Variants in PDE1C observed in about 807,000 individuals in gnomAD.
PDE1C encodes the protein phosphodiesterase 1C.
In PDE1C, 62 loss-of-function variants were observed where a neutral mutation model predicts 93.1. That is an observed-to-expected ratio of 0.67 (90% CI 0.54 to 0.82). The LOEUF (loss-of-function observed/expected upper bound fraction) is 0.82. Ranked by LOEUF, PDE1C falls within the 40% of genes least tolerant of loss-of-function variation. The pLI is 0.00. For missense variants in PDE1C, 742 were observed against 884.6 expected (o/e 0.84, Z 2.04); for synonymous variants, 325 against 310.1 (o/e 1.05, Z -0.50).
At chr7:32,195,013 T>C (rs1804517719) in intron 2 of PDE1C, among the ~76,000 whole-genome samples, 1 of 152,202 alleles carries the variant, frequency 6.6e-6, no homozygotes, top group Non-Finnish European at 1.5e-5. Context: ...ATTTTGGAAG[T>C]GTAAGTAAAA....
At chr7:31,884,653 C>G (rs1233429353) in intron 2 of PDE1C, among the ~76,000 whole-genome samples, 2 of 152,162 alleles carry the variant, frequency 1.3e-5, no homozygotes, top group African/African-American at 4.8e-5. Flanking sequence ...TGCTTATGCT[C>G]CATAGGCCCC....
intron 2 of PDE1C, among the ~76,000 whole-genome samples, chr7:32,009,186 C>T (rs1306247212): frequency 1.3e-5 from 2 of 152,180 alleles, no homozygotes; most frequent in Non-Finnish European, 2.9e-5. Flanking sequence ...ATATGCGAAA[C>T]AAAGACAGGG....
chr7:32,004,277 T>G (rs772518777), intron 2 of PDE1C, among the ~76,000 whole-genome samples: 101 of 151,830 alleles, frequency 6.7e-4, no homozygotes, highest in Non-Finnish European at 1.3e-3. Context: ...ATATAACAAA[T>G]TAGACTATTT....
intron 17 of PDE1C, among the ~76,000 whole-genome samples, chr7:31,761,862 G>A (rs1419457434): frequency 6.6e-6 from 1 of 152,064 alleles, no homozygotes; most frequent in Non-Finnish European, 1.5e-5. Context: ...TTCAGTTCTG[G>A]CACTGTCCCC....
At chr7:31,872,930 C>T (rs1213320316) in intron 6 of PDE1C, among the ~76,000 whole-genome samples, 1 of 152,188 alleles carries the variant, frequency 6.6e-6, no homozygotes, top group Non-Finnish European at 1.5e-5. Flanking sequence ...TTCACTCTGT[C>T]TCCACTACTG....
At chr7:31,896,962 T>C (rs1317304346) in intron 2 of PDE1C, among the ~76,000 whole-genome samples, 4 of 152,208 alleles carry the variant, frequency 2.6e-5, no homozygotes, top group Non-Finnish European at 4.4e-5. Context: ...GGAGAGAAGA[T>C]TTCTGTTGCA....
intron 2 of PDE1C, among the ~76,000 whole-genome samples, chr7:31,984,615 A>C (rs940108280): frequency 2.0e-5 from 3 of 152,206 alleles, no homozygotes; most frequent in Non-Finnish European, 4.4e-5. Context: ...CACTGCGTGC[A>C]CACTGGGCTC....
intron 3 of PDE1C, among the ~76,000 whole-genome samples, chr7:32,120,085 A>G (rs1472557302): frequency 1.3e-5 from 2 of 152,174 alleles, no homozygotes; most frequent in Non-Finnish European, 2.9e-5. Context: ...TCATCCCTAG[A>G]GGTGCCCCCC....
chr7:32,145,581 T>C (rs1405442099), intron 3 of PDE1C, among the ~76,000 whole-genome samples: 2 of 152,222 alleles, frequency 1.3e-5, no homozygotes, highest in East Asian at 3.8e-4. Flanking sequence ...TAATTGACTA[T>C]TTTGATGTGA....
chr7:31,759,896 CTCTTTCT>C (rs1393392394), intron 17 of PDE1C, among the ~76,000 whole-genome samples: 1 of 151,792 alleles, frequency 6.6e-6, no homozygotes. Flanking sequence ...TCTCCATTCT[CTCTTTCT>C]CTCTCTCTCT....
At chr7:32,276,503 G>A (rs1408858189) in intron 1 of PDE1C, among the ~76,000 whole-genome samples, 1 of 152,166 alleles carries the variant, frequency 6.6e-6, no homozygotes, top group African/African-American at 2.4e-5. Flanking sequence ...GAGATTGAAT[G>A]GAACCTGAGG....
intron 2 of PDE1C, among the ~76,000 whole-genome samples, chr7:32,049,581 A>G (rs1019162889): frequency 2.0e-5 from 3 of 152,182 alleles, no homozygotes; most frequent in African/African-American, 7.2e-5. Flanking sequence ...AGACCATGCA[A>G]CACAGGAATC....
chr7:32,213,126 C>G (rs192922633), intron 1 of PDE1C, among the ~76,000 whole-genome samples: 4 of 152,330 alleles, frequency 2.6e-5, no homozygotes, highest in Admixed American at 2.6e-4. Context: ...CCAGACATCT[C>G]AGACTGCCTT....
chr7:32,317,903 G>A (rs879692676), intron 1 of PDE1C, among the ~76,000 whole-genome samples: 1 of 152,002 alleles, frequency 6.6e-6, no homozygotes, highest in Non-Finnish European at 1.5e-5. Context: ...CCATGTTTTT[G>A]CCCTTTATTC....
chr7:31,824,922 TCA>T lies in PDE1C; in HGVS notation c.1349_1350del (p.Val450GlufsTer6). The T allele has an allele frequency of 1.9e-6, 3 of 1,613,400 alleles. No homozygotes were observed. The highest frequency in any genetic ancestry group is 1.7e-4 in the Middle Eastern group (1 of 6,054). On this transcript the variant is annotated frameshift_variant, in exon 13 of 18. Transcript: ENST00000396191. LOFTEE classifies it high-confidence loss of function. ...TGAGAGGTTTCATCGATTAATGGAC[TCA>T]CAATCTTCTCGGTCATGTCCGTAAG... ...TVLTDMTEKI[V>X]SPLIDETSQT...
At chr7:31,689,180 A>T in the PDE1C span, among the ~76,000 whole-genome samples, 29 of 152,194 alleles carry the variant, frequency 1.9e-4, no homozygotes, top group Non-Finnish European at 3.7e-4. Context: ...GTGGCAGTCC[A>T]CGTCCCTGTG....
intron 3 of PDE1C, among the ~76,000 whole-genome samples, chr7:32,121,427 G>T (rs753473710): frequency 6.6e-6 from 1 of 151,190 alleles, no homozygotes; most frequent in Non-Finnish European, 1.5e-5. Context: ...ACACATAATC[G>T]TCAGATTCTC....
intron 3 of PDE1C, among the ~76,000 whole-genome samples, chr7:32,100,135 G>C (rs1288660718): frequency 6.6e-6 from 1 of 152,212 alleles, no homozygotes; most frequent in East Asian, 1.9e-4. Context: ...AGCACAGGTA[G>C]TGCATGGCAA....
chr7:32,136,972 T>G (rs1800245396), intron 3 of PDE1C, among the ~76,000 whole-genome samples: 1 of 152,232 alleles, frequency 6.6e-6, no homozygotes, highest in South Asian at 2.1e-4. Flanking sequence ...GATTTTCTTT[T>G]TAAACCCCAC....
Sources: allele counts gnomAD v4.1 joint callset (sites outside exome capture counted in the v4.1 genomes callset), GRCh38; gene constraint gnomAD v4.1.1; transcripts MANE v1.5; gene names NCBI Gene and HGNC (gene_info 2026-07-23, HGNC 2026-07-21).